The following FHIT variants were observed in gnomAD, a reference collection of about 807,000 sequenced individuals.
FHIT encodes the protein bis(5'-adenosyl)-triphosphatase.
A neutral mutation model predicts 17.9 loss-of-function variants in FHIT; 19 were observed. The observed-to-expected ratio is 1.06, with a 90% confidence interval of 0.74 to 1.56. FHIT has a LOEUF of 1.56. Ranked by LOEUF, FHIT falls within the 40% of genes most tolerant of loss-of-function variation. FHIT has a pLI of 0.00. For missense variants in FHIT, 248 were observed against 189.2 expected (o/e 1.31, Z -1.82); for synonymous variants, 81 against 69.7 (o/e 1.16, Z -0.81).
chr3:60,629,101 C>G (rs1337287044), intron 4 of FHIT, among the ~76,000 whole-genome samples: 1 of 152,112 alleles, frequency 6.6e-6, no homozygotes, highest in African/African-American at 2.4e-5. Context: ...AAACTTTCCG[C>G]CACTCTCACC....
chr3:60,104,198 C>A (rs138875518), intron 5 of FHIT, among the ~76,000 whole-genome samples: 2 of 152,130 alleles, frequency 1.3e-5, no homozygotes, highest in Non-Finnish European at 2.9e-5. Flanking sequence ...ATAACTTTTC[C>A]TTTAGTTGTT....
At chr3:60,337,620 G>T (rs1457778109) in intron 5 of FHIT, among the ~76,000 whole-genome samples, 1 of 152,134 alleles carries the variant, frequency 6.6e-6, no homozygotes, top group East Asian at 1.9e-4. Context: ...ATCCCTCAGA[G>T]GCTTTCATGG....
chr3:60,306,206 T>C (rs1440053531), intron 5 of FHIT, among the ~76,000 whole-genome samples: 1 of 152,130 alleles, frequency 6.6e-6, no homozygotes, highest in Non-Finnish European at 1.5e-5. Flanking sequence ...TGTCTGACTT[T>C]TGATTAGAAC....
At chr3:60,122,203 T>C (rs2885254) in intron 5 of FHIT, among the ~76,000 whole-genome samples, 93,860 of 151,892 alleles carry the variant, frequency 0.62, 29,362 homozygotes, top group Non-Finnish European at 0.66. Context: ...TAGAAAGAAG[T>C]GTTCAGCATT....
chr3:60,765,088 G>GA (rs1699803436), intron 4 of FHIT, among the ~76,000 whole-genome samples: 1 of 152,138 alleles, frequency 6.6e-6, no homozygotes, highest in African/African-American at 2.4e-5. Context: ...GAAGCTCATA[G>GA]AAAAAAGACT....
chr3:61,054,658 C>T (rs2034151767), intron 2 of FHIT, among the ~76,000 whole-genome samples: 1 of 152,158 alleles, frequency 6.6e-6, no homozygotes, highest in South Asian at 2.1e-4. Context: ...TTTAGCCATT[C>T]CCTTCCCTGC....
At chr3:60,451,691 AC>A (rs759114768) in intron 5 of FHIT, among the ~76,000 whole-genome samples, 1 of 152,170 alleles carries the variant, frequency 6.6e-6, no homozygotes, top group Non-Finnish European at 1.5e-5. Flanking sequence ...TACAACTAAA[AC>A]TAGTTCAACT....
At chr3:60,988,088 A>G (rs185718485) in intron 3 of FHIT, among the ~76,000 whole-genome samples, 2 of 152,338 alleles carry the variant, frequency 1.3e-5, no homozygotes, top group African/African-American at 4.8e-5. Flanking sequence ...TCAAACCAGT[A>G]TATTAAACAG....
chr3:60,515,963 T>G (rs1409856109), intron 5 of FHIT, among the ~76,000 whole-genome samples: 1 of 152,206 alleles, frequency 6.6e-6, no homozygotes, highest in East Asian at 1.9e-4. Flanking sequence ...AAATCACCTT[T>G]GCCTTCAGGA....
chr3:59,895,340 G>A (rs1411794914), intron 8 of FHIT, among the ~76,000 whole-genome samples: 3 of 152,198 alleles, frequency 2.0e-5, no homozygotes, highest in Admixed American at 6.5e-5. Context: ...GTACTTAGCA[G>A]GGGCTATATT....
At chr3:59,922,905 A>T (rs1049977799) in intron 7 of FHIT, among the ~76,000 whole-genome samples, 1 of 152,154 alleles carries the variant, frequency 6.6e-6, no homozygotes, top group Non-Finnish European at 1.5e-5. Flanking sequence ...TTTAGTAAGC[A>T]TTTATTTCCT....
intron 5 of FHIT, among the ~76,000 whole-genome samples, chr3:60,396,858 T>C (rs1470806897): frequency 1.3e-5 from 2 of 152,128 alleles, no homozygotes; most frequent in African/African-American, 2.4e-5. Context: ...AGGATACATA[T>C]AAAGAATTTT....
intron 5 of FHIT, among the ~76,000 whole-genome samples, chr3:60,100,279 G>A (rs1486748581): frequency 6.6e-6 from 1 of 152,068 alleles, no homozygotes; most frequent in Non-Finnish European, 1.5e-5. Flanking sequence ...AGCTACTCGG[G>A]AGGCTGAGAC....
chr3:60,225,373 G>C (rs569302772), intron 5 of FHIT, among the ~76,000 whole-genome samples: 2 of 152,328 alleles, frequency 1.3e-5, no homozygotes, highest in African/African-American at 4.8e-5. Flanking sequence ...AGAGTTGTGA[G>C]ATCAATGATA....
intron 4 of FHIT, chr3:60,537,547 G>C (rs1244604224): frequency 1.3e-6 from 1 of 747,516 alleles, no homozygotes; most frequent in Non-Finnish European, 1.6e-6. Flanking sequence ...CATTTAAAAA[G>C]AAGGAAGGAG....
chr3:60,687,842 T>G (rs369018919), intron 4 of FHIT, among the ~76,000 whole-genome samples: 2 of 152,246 alleles, frequency 1.3e-5, no homozygotes, highest in East Asian at 3.9e-4. Flanking sequence ...TGTTACCAAG[T>G]CAATAAAAAT....
intron 4 of FHIT, among the ~76,000 whole-genome samples, chr3:60,637,735 A>G (rs1016545389): frequency 3.3e-5 from 5 of 152,224 alleles, no homozygotes; most frequent in African/African-American, 9.6e-5. Flanking sequence ...GAATTAGGTT[A>G]TTATTATGAT....
intron 3 of FHIT, among the ~76,000 whole-genome samples, chr3:60,837,304 T>C (rs1702572350): frequency 6.6e-6 from 1 of 152,162 alleles, no homozygotes; most frequent in African/African-American, 2.4e-5. Flanking sequence ...AAAAATGTTT[T>C]AAAATGCATT....
At chr3:59,970,086 T>C (rs956964440) in intron 7 of FHIT, among the ~76,000 whole-genome samples, 1 of 152,030 alleles carries the variant, frequency 6.6e-6, no homozygotes, top group Non-Finnish European at 1.5e-5. Context: ...CATTTAACCA[T>C]AGTTCCCAGC....
Sources: allele counts gnomAD v4.1 joint callset (sites outside exome capture counted in the v4.1 genomes callset), GRCh38; gene constraint gnomAD v4.1.1; transcripts MANE v1.5; gene names NCBI Gene and HGNC (gene_info 2026-07-23, HGNC 2026-07-21).